The following NKD1 variants were observed in gnomAD, a reference collection of about 807,000 sequenced individuals.
The protein encoded by NKD1 is protein naked cuticle homolog 1.
Under a neutral mutation model 56.0 loss-of-function variants are expected in NKD1, and 21 were observed. The ratio of observed to expected loss-of-function variants is 0.38; its 90% confidence interval spans 0.27 to 0.54. The LOEUF (loss-of-function observed/expected upper bound fraction) is 0.54. Among genes scored for constraint, NKD1 ranks in the 20% least tolerant of loss-of-function variants. The pLI, the probability that NKD1 is intolerant of heterozygous loss-of-function variation, is 0.82. For missense variants in NKD1, 578 were observed against 642.7 expected, an observed-to-expected ratio of 0.90 and a Z score of 1.09; for synonymous variants, 263 against 265.7, an observed-to-expected ratio of 0.99 and a Z score of 0.10.
intron 4 of NKD1, among the ~76,000 whole-genome samples, chr16:50,617,085 G>A (rs1207793738): frequency 6.6e-6 from 1 of 152,180 alleles, no homozygotes; most frequent in South Asian, 2.1e-4. Context: ...GGGCTGGGTG[G>A]GCTGTGCCAT....
intron 4 of NKD1, chr16:50,613,743 G>C (rs1025078212): frequency 6.6e-6 from 1 of 151,362 alleles, no homozygotes; most frequent in African/African-American, 2.4e-5. Context: ...TTTAACTTGG[G>C]TGGGGGCGGG....
In NKD1 at chr16:50,630,248, A is replaced by G; in HGVS notation, c.525A>G (p.Pro175=). 1.1e-5 allele frequency: 17 copies of G among 1,614,128 alleles called. No individual in the cohort carries two copies. The highest frequency in any genetic ancestry group is 1.4e-5 in the Non-Finnish European group (17 of 1,180,022). ...EVVDSSVNHS[P]TSSKMLRVKL... ...TGGACTCCTCTGTCAACCACTCCCC[A>G]ACATCCAGCAAGATGCTGCGGGTAA... Residue 175 remains proline (P), a synonymous_variant, in exon 7 of 10, where the codon CCA becomes CCG. Coordinates refer to ENST00000268459, the MANE Select transcript of NKD1 (RefSeq NM_033119.5).
At chr16:50,602,655 G>A (rs181454001) in intron 3 of NKD1, among the ~76,000 whole-genome samples, 6 of 152,086 alleles carry the variant, frequency 3.9e-5, no homozygotes, top group Non-Finnish European at 7.3e-5. Context: ...GTCGTCTTCC[G>A]CATGTTCACC....
rs971891538 is a variant in NKD1 at position 50,598,078 on chromosome 16, C to A, written c.193-10216C>A. 9.9e-5 allele frequency among the ~76,000 whole-genome samples: 15 copies of A among 152,026 alleles called. No individual in the cohort carries two copies. The highest frequency in any genetic ancestry group is 3.4e-4 in the African/African-American group (14 of 41,384). On this transcript the variant is annotated intron_variant, in intron 3 of 9. Coordinates refer to ENST00000268459, the MANE Select transcript of NKD1 (RefSeq NM_033119.5). This position sits in a 1 kb window ranked among gnomAD's most constrained non-coding sequence, Gnocchi z 4.2. ...GTCTGGCCTGTGAGAGGGATGGTGACAAGTTTCTTAGAGCTATTTTGGGGA... is the reference window on the plus strand; with the variant it reads ...GTCTGGCCTGTGAGAGGGATGGTGAAAAGTTTCTTAGAGCTATTTTGGGGA...
chr16:50,623,657 C>T lies in NKD1; in HGVS notation c.367-1828C>T, dbSNP rs913649179. 4.0e-5 allele frequency among the ~76,000 whole-genome samples: 6 copies of T among 151,736 alleles called. No homozygotes were observed. Among genetic ancestry groups the T allele is most frequent in the Non-Finnish European group, 5.9e-5 (4 of 67,990 alleles). ...GGAGACCCGCATGTGACAGGTGGGA[C>T]AAGTGGCCAGTTACTCAACTCATGT... On this transcript the variant is annotated intron_variant, in intron 5 of 9. Coordinates refer to ENST00000268459, the MANE Select transcript of NKD1 (RefSeq NM_033119.5). The surrounding 1 kb of genome is among the most constrained non-coding windows in gnomAD (Gnocchi z 4.1).
At chr16:50,622,123 C>A (rs1040835182) in intron 5 of NKD1, among the ~76,000 whole-genome samples, 7 of 152,134 alleles carry the variant, frequency 4.6e-5, no homozygotes, top group Non-Finnish European at 1.0e-4. Context: ...ACAGGAGGTA[C>A]GGGCAGGACC....
rs1242801776 is a variant in NKD1 at position 50,638,325 on chromosome 16, A to G, written c.*4544A>G. 6.6e-6 allele frequency: 1 copy of G among 152,382 alleles called. No individual in the cohort carries two copies. The highest frequency in any genetic ancestry group is 1.5e-5 in the Non-Finnish European group (1 of 68,184). The allele number at this position is 152,382 out of a possible 1,614,324, so 9.4% of individuals were successfully genotyped here. On this transcript the variant is annotated 3_prime_UTR_variant, in exon 10 of 10. Coordinates refer to ENST00000268459, the MANE Select transcript of NKD1 (RefSeq NM_033119.5). ...TTAAAGATGGTGCTACCTGCCACAC[A>G]GCAGACATCTGGTCGCTGCACACCC... is the stretch of plus-strand genomic sequence containing the variant.
In NKD1 at chr16:50,570,535, T is replaced by C. The variant is rs138665298; in HGVS notation, c.192+20980T>C. 9.2e-5 allele frequency among the ~76,000 whole-genome samples: 14 copies of C among 152,342 alleles called. No individual in the cohort carries two copies. In the East Asian group the frequency reaches 2.7e-3, roughly 29 times the overall value. On this transcript the variant is annotated intron_variant, in intron 3 of 9. Transcript: ENST00000268459. ...CCTGCCACTTACTAGCTGTGTGACCTTTGGGCGAGTGCCTTAACCTCTCTG... is the reference window on the plus strand; with the variant it reads ...CCTGCCACTTACTAGCTGTGTGACCCTTGGGCGAGTGCCTTAACCTCTCTG...
chr16:50,575,082 C>T (rs1406858578), intron 3 of NKD1: 2 of 984,974 alleles, frequency 2.0e-6, no homozygotes, highest in African/African-American at 3.5e-5. Flanking sequence ...TTTCATGACA[C>T]CAGTAAGTAG....
chr16:50,632,142 TCCTC>T lies in NKD1; in HGVS notation c.696-136_696-133del, dbSNP rs1024317955. 2 of 760,140 alleles carry T rather than the reference TCCTC, an allele frequency of 2.6e-6. No homozygotes were observed. Among genetic ancestry groups the T allele is most frequent in the African/African-American group, 1.8e-5 (1 of 56,916 alleles). The allele number at this position is 760,140 out of a possible 1,614,324, so 47.1% of individuals were successfully genotyped here. On this transcript the variant is annotated intron_variant, in intron 8 of 9. Coordinates refer to ENST00000268459, the MANE Select transcript of NKD1 (RefSeq NM_033119.5). This position sits in a 1 kb window ranked among gnomAD's most constrained non-coding sequence, Gnocchi z 4.1. ...AGGCACAGTTCGTATAGAGGACTGT[TCCTC>T]CCCACCCTCTCCAAAGGCCAAGAAG...
At chr16:50,554,832 G>C (rs1960467062) in intron 3 of NKD1, among the ~76,000 whole-genome samples, 3 of 151,996 alleles carry the variant, frequency 2.0e-5, no homozygotes, top group Admixed American at 2.0e-4. Flanking sequence ...TGTTGCCCAG[G>C]CTGGATTGAA....
chr16:50,605,191 G>A (rs943923441), intron 3 of NKD1, among the ~76,000 whole-genome samples: 4 of 152,194 alleles, frequency 2.6e-5, no homozygotes, highest in African/African-American at 4.8e-5. Flanking sequence ...GCTGTGGGGA[G>A]GCCATTCTCC....
chr16:50,579,726 C>G (rs1252812382), intron 3 of NKD1, among the ~76,000 whole-genome samples: 1 of 151,390 alleles, frequency 6.6e-6, no homozygotes, highest in African/African-American at 2.4e-5. Flanking sequence ...CACACGCACT[C>G]TAACCCGCCA....
intron 4 of NKD1, among the ~76,000 whole-genome samples, chr16:50,610,392 G>C (rs995531051): frequency 6.6e-6 from 1 of 152,198 alleles, no homozygotes; most frequent in Non-Finnish European, 1.5e-5. Flanking sequence ...TGGTCCTCTG[G>C]CACCCTTGGT....
chr16:50,558,091 C>T (rs1408190904), intron 3 of NKD1: 1 of 152,248 alleles, frequency 6.6e-6, no homozygotes, highest in Non-Finnish European at 1.5e-5. Context: ...CTGGTGTTGC[C>T]ACACGGGCTG....
intron 8 of NKD1, among the ~76,000 whole-genome samples, chr16:50,631,551 C>G (rs1962346589): frequency 6.6e-6 from 1 of 152,154 alleles, no homozygotes; most frequent in African/African-American, 2.4e-5. Flanking sequence ...ACAGTTCAAG[C>G]AGGGTCACAG....
At chr16:50,564,531 T>C (rs1201827928) in intron 3 of NKD1, among the ~76,000 whole-genome samples, 1 of 152,236 alleles carries the variant, frequency 6.6e-6, no homozygotes, top group East Asian at 1.9e-4. Flanking sequence ...GAGGCCAGAC[T>C]GTAAAGTCCA....
intron 3 of NKD1, among the ~76,000 whole-genome samples, chr16:50,567,106 C>T (rs752657740): frequency 1.3e-5 from 2 of 151,718 alleles, no homozygotes; most frequent in African/African-American, 2.4e-5. Context: ...GACCAGGCTT[C>T]AGACTTGGGT....
At chr16:50,600,758 G>A (rs1177924694) in intron 3 of NKD1, among the ~76,000 whole-genome samples, 2 of 152,202 alleles carry the variant, frequency 1.3e-5, no homozygotes, top group Middle Eastern at 3.4e-3. Context: ...GTACCCTGTC[G>A]GGTCTCAGGC....
Sources: allele counts gnomAD v4.1 joint callset (sites outside exome capture counted in the v4.1 genomes callset), GRCh38; gene constraint gnomAD v4.1.1; non-coding constraint Gnocchi (gnomAD v3.1); transcripts MANE v1.5; gene names NCBI Gene and HGNC (gene_info 2026-07-23, HGNC 2026-07-21).